Variants in DNAH5 observed in about 807,000 individuals in gnomAD.
DNAH5 encodes the protein axonemal beta dynein heavy chain 5.
DNAH5 carries 372 observed loss-of-function variants against 518.2 expected under a neutral mutation model. That is an observed-to-expected ratio of 0.72 (90% CI 0.66 to 0.78). DNAH5 has a LOEUF of 0.78. Among genes scored for constraint, DNAH5 ranks in the 30% least tolerant of loss-of-function variants. The probability of loss-of-function intolerance (pLI) is 0.00; values close to 1 mark genes in which losing one functional copy is unlikely to be tolerated. For missense variants in DNAH5, 5,523 were observed against 5,687.0 expected (o/e 0.97, Z 0.93); for synonymous variants, 2,039 against 2,025.9 (o/e 1.01, Z -0.17).
chr5:13,787,791 T>G (rs1756302978), intron 51 of DNAH5, among the ~76,000 whole-genome samples: 1 of 152,202 alleles, frequency 6.6e-6, no homozygotes, highest in African/African-American at 2.4e-5. Flanking sequence ...GAAGGATCAT[T>G]CCAATTGCAT....
chr5:13,691,784 T>G lies in DNAH5; in HGVS notation c.*200A>C. 3.2e-6 allele frequency: 2 copies of G among 633,710 alleles called. No individual in the cohort carries two copies. The highest frequency in any genetic ancestry group is 5.4e-6 in the Non-Finnish European group (2 of 372,174). The allele number at this position is 633,710 out of a possible 1,614,324, so 39.3% of individuals were successfully genotyped here. A position where few individuals can be genotyped will look rare whatever the true frequency, so the allele number is the denominator to read the frequency against. ...ACTTTTATATCACTAAATAACATTT[T>G]CAACAAACTCAGACATTGGTCACTA... On this transcript the variant is annotated 3_prime_UTR_variant, in exon 79 of 79. Coordinates refer to ENST00000265104, the MANE Select transcript of DNAH5 (RefSeq NM_001369.3).
chr5:13,921,755 C>CCCG (rs1554104169), intron 5 of DNAH5, among the ~76,000 whole-genome samples: 1 of 148,640 alleles, frequency 6.7e-6, no homozygotes, highest in African/African-American at 2.5e-5. Flanking sequence ...CACACACCCC[C>CCCG]CCACACACAC....
intron 55 of DNAH5, among the ~76,000 whole-genome samples, chr5:13,772,317 CAG>C (rs1311421153): frequency 6.6e-6 from 1 of 152,218 alleles, no homozygotes; most frequent in African/African-American, 2.4e-5. Context: ...TCTGAACAAA[CAG>C]TATCAATAAT....
chr5:13,708,044 T>C (rs1743027528), intron 76 of DNAH5, 79 bp downstream of exon 76: 1 of 1,475,158 alleles, frequency 6.8e-7, no homozygotes, highest in African/African-American at 1.4e-5. Context: ...TAAATTATCC[T>C]TTCATGCTTT....
At chr5:13,755,866 A>G (rs2134258) in intron 61 of DNAH5, among the ~76,000 whole-genome samples, 53,121 of 152,148 alleles carry the variant, frequency 0.35, 9,575 homozygotes, top group South Asian at 0.46. Flanking sequence ...GAAAATGACC[A>G]GTCCTCTCCC....
chr5:13,851,857 A>C (rs1766898824), intron 30 of DNAH5, among the ~76,000 whole-genome samples: 1 of 152,004 alleles, frequency 6.6e-6, no homozygotes, highest in South Asian at 2.1e-4. Flanking sequence ...TTATTTCTGC[A>C]TTTCCAGCTG....
intron 35 of DNAH5, among the ~76,000 whole-genome samples, chr5:13,836,863 G>C (rs974097820): frequency 6.6e-6 from 1 of 152,186 alleles, no homozygotes; most frequent in Non-Finnish European, 1.5e-5. Flanking sequence ...GTGGGTCAGA[G>C]ACACAAGACA....
intron 36 of DNAH5, 114 bp downstream of exon 36, chr5:13,830,483 A>G (rs1003592567): frequency 2.1e-5 from 28 of 1,353,752 alleles, no homozygotes; most frequent in East Asian, 9.4e-5. Flanking sequence ...TTTCCAAAAA[A>G]TTTTACAAAG....
chr5:13,846,101 A>C lies in DNAH5; in HGVS notation c.5115-1108T>G, dbSNP rs899064281. Among the ~76,000 whole-genome samples, 5 of 151,366 alleles carry C rather than the reference A, an allele frequency of 3.3e-5. 1 individual carries two copies. Among genetic ancestry groups the C allele is most frequent in the Admixed American group, 1.3e-4 (2 of 15,216 alleles). Reference sequence around the variant, plus strand: ...TGATCCATCTGCCTCAACCTCCCAAAGTGCTGAGATTACAGGCATGAGCCA... The same window carrying C: ...TGATCCATCTGCCTCAACCTCCCAACGTGCTGAGATTACAGGCATGAGCCA... On this transcript the variant is annotated intron_variant, in intron 31 of 78. Coordinates refer to ENST00000265104, the MANE Select transcript of DNAH5 (RefSeq NM_001369.3).
intron 65 of DNAH5, among the ~76,000 whole-genome samples, chr5:13,743,572 A>C (rs1159707895): frequency 6.6e-6 from 1 of 152,058 alleles, no homozygotes; most frequent in East Asian, 1.9e-4. Context: ...TATTTATCTA[A>C]GAGGGGATTA....
intron 41 of DNAH5, among the ~76,000 whole-genome samples, chr5:13,819,991 T>C (rs376820045): frequency 5.9e-5 from 9 of 152,300 alleles, no homozygotes; most frequent in African/African-American, 2.2e-4. Context: ...ACCTTAACTC[T>C]GAGTCCCATC....
At position 13,918,341 on chromosome 5, in the gene DNAH5, G is replaced by A. The variant is rs143416691; in HGVS notation, c.975+835C>T. ...GTAAACTCAGAAGCAGATCTTCCCC[G>A]CGTTGAGCCCTAAGATGAACCCACA... On this transcript the variant is annotated intron_variant, in intron 7 of 78. Coordinates refer to ENST00000265104, the MANE Select transcript of DNAH5 (RefSeq NM_001369.3). Among the ~76,000 whole-genome samples the A allele has an allele frequency of 5.5e-3, 841 of 152,252 alleles. 2 individuals carry two copies. Among genetic ancestry groups the A allele is most frequent in the South Asian group, 0.031 (150 of 4,822 alleles).
intron 54 of DNAH5, 151 bp downstream of exon 54, chr5:13,777,051 A>G (rs1166321451): frequency 9.2e-6 from 7 of 761,120 alleles, no homozygotes; most frequent in Non-Finnish European, 1.5e-5. Context: ...TTCTTCAAAA[A>G]CCCAATAGAA....
intron 1 of DNAH5, among the ~76,000 whole-genome samples, chr5:13,979,141 C>T (rs771345273): frequency 3.9e-5 from 6 of 152,094 alleles, no homozygotes; most frequent in Admixed American, 6.6e-5. Context: ...CAACCTAGGG[C>T]TTTCCGGCTC....
At chr5:13,744,296 T>C (rs1749029545) in intron 65 of DNAH5, among the ~76,000 whole-genome samples, 1 of 151,638 alleles carries the variant, frequency 6.6e-6, no homozygotes, top group South Asian at 2.1e-4. Flanking sequence ...GTTGATCTCA[T>C]AGAAGTGAAA....
At chr5:13,800,157 G>T (rs549402684) in intron 47 of DNAH5, among the ~76,000 whole-genome samples, 2 of 152,228 alleles carry the variant, frequency 1.3e-5, no homozygotes, top group South Asian at 4.1e-4. Flanking sequence ...GTCACTTGAG[G>T]TGAGGTGTGA....
intron 64 of DNAH5, 34 bp downstream of exon 64, chr5:13,752,100 G>T: frequency 6.2e-7 from 1 of 1,611,012 alleles, no homozygotes; most frequent in South Asian, 1.1e-5. Flanking sequence ...CATGGTAATT[G>T]TTCTGCACAT....
rs548516345 is a variant in DNAH5 at position 13,886,567 on chromosome 5, A to G, written c.2578-438T>C. Among the ~76,000 whole-genome samples the G allele has an allele frequency of 2.0e-5, 3 of 152,236 alleles. No individual in the cohort carries two copies. The South Asian group carries it at 6.2e-4, about 31-fold the overall frequency. On this transcript the variant is annotated intron_variant, in intron 17 of 78. Transcript: ENST00000265104. ...TGTGCATTTCTCAAGAATGGATTTA[A>G]TAAATATAAACTAACATGATTTGAG...
intron 65 of DNAH5, among the ~76,000 whole-genome samples, chr5:13,740,435 C>T (rs560806408): frequency 6.6e-6 from 1 of 152,268 alleles, no homozygotes; most frequent in African/African-American, 2.4e-5. Context: ...CAAGCTGCCC[C>T]CTCCTTCATT....
Sources: gnomAD v4.1 joint callset for allele counts (sites outside exome capture counted in the v4.1 genomes callset) on GRCh38, gnomAD v4.1.1 for gene constraint, MANE v1.5 for transcripts, NCBI Gene and HGNC (gene_info 2026-07-23, HGNC 2026-07-21) for gene names.